Variants in SH3PXD2B observed in about 807,000 individuals in gnomAD.
The protein encoded by SH3PXD2B is SH3 and PX domains 2B.
In SH3PXD2B, 37 loss-of-function variants were observed where a neutral mutation model predicts 73.1. The ratio of observed to expected loss-of-function variants is 0.51; its 90% CI spans 0.39 to 0.67. SH3PXD2B has a LOEUF of 0.67. Among genes scored for constraint, SH3PXD2B ranks in the 30% least tolerant of loss-of-function variants. SH3PXD2B has a pLI of 0.00. For missense variants in SH3PXD2B, 1,053 were observed against 1,197.8 expected (o/e 0.88, Z 1.78); for synonymous variants, 457 against 480.5 (o/e 0.95, Z 0.64).
At chr5:172,382,920 T>A (rs368467106) in intron 4 of SH3PXD2B, among the ~76,000 whole-genome samples, 1 of 151,528 alleles carries the variant, frequency 6.6e-6, no homozygotes, top group East Asian at 1.9e-4. Flanking sequence ...GTATTTTTAG[T>A]AGAGACAGGG....
At chr5:172,416,241 T>A (rs138324676) in intron 2 of SH3PXD2B, among the ~76,000 whole-genome samples, 127 of 151,866 alleles carry the variant, frequency 8.4e-4, no homozygotes, top group African/African-American at 2.9e-3. Flanking sequence ...GGTGGGAGGA[T>A]CACTTGAACC....
In SH3PXD2B at chr5:172,339,582, T is replaced by C; in HGVS notation, c.1523A>G (p.Tyr508Cys). ...CATGTCGGGGTCTGAGATCTCCTCG[T>C]AGCCTGCTGACGCAGACATGTCTGA... ...ASSDMSASAG[Y>C]EEISDPDMEE... The change falls in exon 13 of 13, where the codon TAC becomes TGC. Residue 508 changes from tyrosine to cysteine, a missense_variant. Transcript: ENST00000311601. This position sits in a 1 kb window ranked among gnomAD's most constrained non-coding sequence, Gnocchi z 6.1. 6 of 1,614,226 alleles carry C rather than the reference T, an allele frequency of 3.7e-6. No homozygotes were observed. The highest frequency in any genetic ancestry group is 4.2e-6 in the Non-Finnish European group (5 of 1,180,022).
chr5:172,439,316 G>A (rs186776496), intron 1 of SH3PXD2B, among the ~76,000 whole-genome samples: 2 of 147,418 alleles, frequency 1.4e-5, no homozygotes, highest in South Asian at 2.2e-4. Context: ...CACAGGCATC[G>A]GCTTTAGAAT....
chr5:172,406,394 T>C, intron 2 of SH3PXD2B, 42 bp from the exon 3 acceptor site: 1 of 1,587,136 alleles, frequency 6.3e-7, no homozygotes, highest in African/African-American at 1.3e-5. Context: ...CCTTTCATAA[T>C]GCACTAAACA....
chr5:172,411,907 C>T (rs2113442649), intron 2 of SH3PXD2B, among the ~76,000 whole-genome samples: 1 of 152,018 alleles, frequency 6.6e-6, no homozygotes, highest in Non-Finnish European at 1.5e-5. Context: ...GTTGTGTAAA[C>T]ATCACCACCA....
At chr5:172,435,584 G>A (rs1023573769) in intron 1 of SH3PXD2B, among the ~76,000 whole-genome samples, 22 of 152,148 alleles carry the variant, frequency 1.4e-4, no homozygotes, top group Middle Eastern at 3.4e-3. Flanking sequence ...CACCATGCCT[G>A]GCTAATAAAC....
intron 1 of SH3PXD2B, among the ~76,000 whole-genome samples, chr5:172,424,634 C>A (rs542466264): frequency 2.4e-4 from 37 of 152,298 alleles, no homozygotes; most frequent in African/African-American, 8.9e-4. Context: ...ACCTTGAATG[C>A]CACGCTAAGG....
intron 11 of SH3PXD2B, among the ~76,000 whole-genome samples, chr5:172,347,006 T>C (rs967362768): frequency 1.3e-5 from 2 of 152,156 alleles, no homozygotes; most frequent in African/African-American, 4.8e-5. Flanking sequence ...AAGACTGATC[T>C]AAGACCAAGA....
chr5:172,381,390 T>C (rs1223990155), intron 5 of SH3PXD2B, among the ~76,000 whole-genome samples: 2 of 152,166 alleles, frequency 1.3e-5, no homozygotes, highest in Non-Finnish European at 1.5e-5. Flanking sequence ...CTTCCTGCTT[T>C]CCCCAAAGCA....
intron 1 of SH3PXD2B, among the ~76,000 whole-genome samples, chr5:172,448,077 G>A (rs376286671): frequency 2.6e-5 from 4 of 152,362 alleles, no homozygotes; most frequent in African/African-American, 9.6e-5. Context: ...GGGGCCTTAA[G>A]AGGGCCCTAA....
chr5:172,425,655 G>C (rs374271337), intron 1 of SH3PXD2B, among the ~76,000 whole-genome samples: 18 of 152,074 alleles, frequency 1.2e-4, no homozygotes, highest in African/African-American at 3.4e-4. Flanking sequence ...GATGACGAGG[G>C]GCTTGCAGGC....
chr5:172,399,585 G>A (rs1172245957), intron 3 of SH3PXD2B, among the ~76,000 whole-genome samples: 1 of 152,152 alleles, frequency 6.6e-6, no homozygotes, highest in Non-Finnish European at 1.5e-5. Flanking sequence ...AAATCACAAT[G>A]GGTCTGATTC....
intron 2 of SH3PXD2B, among the ~76,000 whole-genome samples, chr5:172,414,759 T>C (rs559359539): frequency 1.3e-5 from 2 of 152,362 alleles, no homozygotes; most frequent in African/African-American, 4.8e-5. Context: ...CAGATGAGGC[T>C]GGCATTTCTC....
chr5:172,430,519 GA>G (rs1427757594), intron 1 of SH3PXD2B, among the ~76,000 whole-genome samples: 1 of 152,252 alleles, frequency 6.6e-6, no homozygotes, highest in Non-Finnish European at 1.5e-5. Context: ...AGTCTGAATG[GA>G]AGGGAGCCAT....
chr5:172,407,807 A>G (rs978352403), intron 2 of SH3PXD2B, among the ~76,000 whole-genome samples: 1 of 152,232 alleles, frequency 6.6e-6, no homozygotes, highest in African/African-American at 2.4e-5. Context: ...TCTGCCAGAC[A>G]TGGGCTAGAT....
chr5:172,338,384 G>C lies in SH3PXD2B; in HGVS notation c.2721C>G (p.Leu907=). 2 of 1,614,148 alleles carry C rather than the reference G, an allele frequency of 1.2e-6. No homozygotes were observed. Among genetic ancestry groups the C allele is most frequent in the South Asian group, 2.2e-5 (2 of 91,090 alleles). The part of the protein sequence containing the change: ...SWEGWIPSNY[L]RKKP ...AGGGAGTCGGCTACGGCTTCTTTCT[G>C]AGATAGTTGGAAGGAATCCACCCTT... is the stretch of plus-strand genomic sequence containing the variant. The change falls in exon 13 of 13, where the codon CTC becomes CTG. Residue 907 remains leucine (L), a synonymous_variant. Transcript: ENST00000311601. The surrounding 1 kb of genome is among the most constrained non-coding windows in gnomAD (Gnocchi z 5.1).
At chr5:172,348,056 TG>T (rs1263100869) in intron 10 of SH3PXD2B, among the ~76,000 whole-genome samples, 1 of 152,158 alleles carries the variant, frequency 6.6e-6, no homozygotes, top group Non-Finnish European at 1.5e-5. Flanking sequence ...AGTTTGGCGT[TG>T]GGGTGCGGAG....
At chr5:172,408,360 C>T (rs1758611237) in intron 2 of SH3PXD2B, among the ~76,000 whole-genome samples, 1 of 152,032 alleles carries the variant, frequency 6.6e-6, no homozygotes, top group Admixed American at 6.5e-5. Context: ...CTCAATCTCC[C>T]TGGGCTCAGG....
intron 4 of SH3PXD2B, among the ~76,000 whole-genome samples, chr5:172,389,478 C>T (rs75866621): frequency 0.03 from 3,708 of 124,392 alleles, 177 homozygotes; most frequent in African/African-American, 0.1. Flanking sequence ...GGGCCTCCAC[C>T]TCCTCATCTA....
Sources: gnomAD v4.1 joint callset for allele counts (sites outside exome capture counted in the v4.1 genomes callset) on GRCh38, gnomAD v4.1.1 for gene constraint, Gnocchi (gnomAD v3.1) non-coding constraint, MANE v1.5 for transcripts, NCBI Gene and HGNC (gene_info 2026-07-23, HGNC 2026-07-21) for gene names.